Variants in LHFPL3 observed in about 807,000 individuals in gnomAD.
LHFPL3 encodes the protein LHFPL tetraspan subfamily member 3.
Under a neutral mutation model 19.3 loss-of-function variants are expected in LHFPL3, and 5 were observed. The observed-to-expected ratio is 0.26, with a 90% CI of 0.14 to 0.54. The LOEUF is 0.54. Among genes scored for constraint, LHFPL3 ranks in the 20% least tolerant of loss-of-function variants. The probability of loss-of-function intolerance (pLI) is 0.94; values close to 1 mark genes in which losing one functional copy is unlikely to be tolerated. For synonymous variants in LHFPL3, 133 were observed against 126.2 expected, an observed-to-expected ratio of 1.05 and a Z score of -0.36; for missense variants, 249 against 307.4, an observed-to-expected ratio of 0.81 and a Z score of 1.42.
chr7:104,380,248 C>T (rs1317749660), intron 1 of LHFPL3, among the ~76,000 whole-genome samples: 1 of 152,074 alleles, frequency 6.6e-6, no homozygotes, highest in Non-Finnish European at 1.5e-5. Flanking sequence ...GCCCAGCACA[C>T]AGTACTTAAT....
At chr7:104,429,881 A>G (rs1245465395) in intron 1 of LHFPL3, among the ~76,000 whole-genome samples, 4 of 151,786 alleles carry the variant, frequency 2.6e-5, no homozygotes, top group East Asian at 1.9e-4. Flanking sequence ...TGATATGTGG[A>G]CATGTGGACA....
intron 2 of LHFPL3, among the ~76,000 whole-genome samples, chr7:104,790,789 C>T (rs1313846113): frequency 1.3e-5 from 2 of 152,170 alleles, no homozygotes; most frequent in African/African-American, 4.8e-5. Flanking sequence ...AGTCACATAA[C>T]ATTTTCAAGC....
intron 1 of LHFPL3, among the ~76,000 whole-genome samples, chr7:104,378,961 T>G (rs145716342): frequency 2.6e-5 from 4 of 152,194 alleles, no homozygotes; most frequent in Admixed American, 1.3e-4. Flanking sequence ...GAGTTCAACT[T>G]ATCATTTTTT....
chr7:104,566,743 A>G (rs1383689855), intron 1 of LHFPL3, among the ~76,000 whole-genome samples: 1 of 152,214 alleles, frequency 6.6e-6, no homozygotes, highest in East Asian at 1.9e-4. Flanking sequence ...TTTTATGAAA[A>G]GTCTAAGGAA....
chr7:104,532,855 C>T (rs994302625), intron 1 of LHFPL3, among the ~76,000 whole-genome samples: 3 of 152,184 alleles, frequency 2.0e-5, no homozygotes, highest in African/African-American at 7.2e-5. Flanking sequence ...AAAAGACACA[C>T]TAGACAAAAG....
At chr7:104,740,116 C>G (rs937930285) in intron 2 of LHFPL3, among the ~76,000 whole-genome samples, 4 of 152,166 alleles carry the variant, frequency 2.6e-5, no homozygotes, top group African/African-American at 9.7e-5. Flanking sequence ...ACTTCTCTCT[C>G]CTGCTGCCAT....
chr7:104,436,657 T>C (rs1286398094), intron 1 of LHFPL3, among the ~76,000 whole-genome samples: 3 of 152,230 alleles, frequency 2.0e-5, no homozygotes, highest in Admixed American at 6.5e-5. Flanking sequence ...CACAAGGATA[T>C]GGACATCTAT....
chr7:104,527,621 A>G (rs1325459606), intron 1 of LHFPL3, among the ~76,000 whole-genome samples: 1 of 152,114 alleles, frequency 6.6e-6, no homozygotes, highest in Admixed American at 6.5e-5. Flanking sequence ...AAAGAAGAAT[A>G]TCGGTAATGA....
chr7:104,595,347 G>A (rs1347122189), intron 1 of LHFPL3, among the ~76,000 whole-genome samples: 4 of 152,240 alleles, frequency 2.6e-5, no homozygotes, highest in Non-Finnish European at 4.4e-5. Flanking sequence ...TCCAGACCCT[G>A]TTTGCCTGGG....
At chr7:104,875,258 TG>T (rs1584591556) in intron 2 of LHFPL3, among the ~76,000 whole-genome samples, 1 of 152,092 alleles carries the variant, frequency 6.6e-6, no homozygotes, top group African/African-American at 2.4e-5. Flanking sequence ...TGCATAATAC[TG>T]AGGTCCAAAT....
At chr7:104,774,506 A>G (rs940723144) in intron 2 of LHFPL3, among the ~76,000 whole-genome samples, 1 of 152,220 alleles carries the variant, frequency 6.6e-6, no homozygotes. Context: ...AATTCTCACC[A>G]TTTGGCTATA....
chr7:104,628,026 A>G (rs879599385), intron 1 of LHFPL3, among the ~76,000 whole-genome samples: 8 of 152,192 alleles, frequency 5.3e-5, no homozygotes, highest in Non-Finnish European at 1.0e-4. Flanking sequence ...AATGTGATAA[A>G]TGTATGGCTC....
At chr7:104,458,400 A>G (rs2116615075) in intron 1 of LHFPL3, among the ~76,000 whole-genome samples, 1 of 152,218 alleles carries the variant, frequency 6.6e-6, no homozygotes, top group East Asian at 1.9e-4. Context: ...TGTTTTTGTC[A>G]GGTTTGTCAA....
chr7:104,594,608 C>T (rs550773445), intron 1 of LHFPL3, among the ~76,000 whole-genome samples: 138 of 152,128 alleles, frequency 9.1e-4, no homozygotes, highest in Non-Finnish European at 1.6e-3. Flanking sequence ...GGGAAGTTCT[C>T]CTAGATAATA....
chr7:104,596,725 T>C (rs1250070133), intron 1 of LHFPL3, among the ~76,000 whole-genome samples: 3 of 152,248 alleles, frequency 2.0e-5, no homozygotes, highest in Non-Finnish European at 4.4e-5. Flanking sequence ...AGATACCGTG[T>C]AATACAACTT....
At chr7:104,752,569 C>T (rs528360893) in intron 2 of LHFPL3, 65 of 238,798 alleles carry the variant, frequency 2.7e-4, no homozygotes, top group African/African-American at 1.4e-3. Flanking sequence ...TTTGAAATAG[C>T]TTGATTAGAT....
Position 104,430,369 on chromosome 7 carries a change from G to GGTATATATATATATATAT in LHFPL3, c.445+101158_445+101159insTATATGTATATATATATA, listed in dbSNP as rs1327890033. Among the ~76,000 whole-genome samples the GGTATATATATATATATAT allele has an allele frequency of 3.5e-4, 21 of 59,410 alleles. 2 individuals carry two copies. Among genetic ancestry groups the GGTATATATATATATATAT allele is most frequent in the Non-Finnish European group, 7.4e-4 (21 of 28,442 alleles). The allele number at this position is 59,410 out of a possible 152,430, so 39.0% of individuals were successfully genotyped here. A position where few individuals can be genotyped will look rare whatever the true frequency, so the allele number is the denominator to read the frequency against. On this transcript the variant is annotated intron_variant, in intron 1 of 2. Transcript: ENST00000424859. The stretch of plus-strand genomic sequence containing the variant: ...TTCACTTGAAATTTGCATTTCTGTG[G>GGTATATATATATATATAT]GTATATATATATACATATATATATA...
intron 1 of LHFPL3, among the ~76,000 whole-genome samples, chr7:104,588,326 C>T (rs183908718): frequency 0.033 from 5,071 of 152,070 alleles, 292 homozygotes; most frequent in African/African-American, 0.12. Context: ...GTTTCAGCTT[C>T]CTACATATGG....
chr7:104,872,506 G>A (rs1240941442), intron 2 of LHFPL3, among the ~76,000 whole-genome samples: 1 of 152,012 alleles, frequency 6.6e-6, no homozygotes, highest in Non-Finnish European at 1.5e-5. Flanking sequence ...ATAGCTGGGT[G>A]TGGTGGTGCA....
Sources: gnomAD v4.1 joint callset for allele counts (sites outside exome capture counted in the v4.1 genomes callset) on GRCh38, gnomAD v4.1.1 for gene constraint, MANE v1.5 for transcripts, NCBI Gene and HGNC (gene_info 2026-07-23, HGNC 2026-07-21) for gene names.